The following ADGRL3 variants were observed in gnomAD, a reference collection of about 807,000 sequenced individuals.
ADGRL3 encodes calcium-independent alpha-latrotoxin receptor 3.
ADGRL3 carries 62 observed loss-of-function variants against 153.5 expected under a neutral mutation model. The ratio of observed to expected loss-of-function variants is 0.40; its 90% CI spans 0.33 to 0.50. The LOEUF (loss-of-function observed/expected upper bound fraction) is 0.50. ADGRL3 is among the 20% of genes least tolerant of loss of function. The pLI is 0.47. For missense variants in ADGRL3, 1,641 were observed against 1,859.4 expected, an observed-to-expected ratio of 0.88 and a Z score of 2.16; for synonymous variants, 710 against 672.5, an observed-to-expected ratio of 1.06 and a Z score of -0.86.
At chr4:61,626,544 A>G (rs1270297015) in intron 5 of ADGRL3, among the ~76,000 whole-genome samples, 2 of 152,092 alleles carry the variant, frequency 1.3e-5, no homozygotes, top group African/African-American at 2.4e-5. Context: ...AACATTAATC[A>G]CTAATTAAAA....
chr4:61,429,477 C>A (rs928694369), intron 2 of ADGRL3, among the ~76,000 whole-genome samples: 1 of 152,014 alleles, frequency 6.6e-6, no homozygotes, highest in Non-Finnish European at 1.5e-5. Flanking sequence ...CTTTTTATAT[C>A]CCAAAGAACT....
intron 3 of ADGRL3, among the ~76,000 whole-genome samples, chr4:61,504,474 A>C (rs1021767271): frequency 6.6e-6 from 1 of 152,146 alleles, no homozygotes; most frequent in Non-Finnish European, 1.5e-5. Context: ...GGTGTCTGTC[A>C]TCTCAAATTT....
At position 61,579,561 on chromosome 4, in the gene ADGRL3, G is replaced by T. The variant is rs375515779; in HGVS notation, c.260-7666G>T. ...CCTCAGGTAGACGATTTCATTTGAAGGTCACAACTTTGTGTATGTGCCCTC... is the reference window on the plus strand; with the variant it reads ...CCTCAGGTAGACGATTTCATTTGAATGTCACAACTTTGTGTATGTGCCCTC... On this transcript the variant is annotated intron_variant, in intron 4 of 26. Coordinates refer to ENST00000683033, the MANE Select transcript of ADGRL3 (RefSeq NM_001387552.1). 1.1e-4 allele frequency: 53 copies of T among 503,952 alleles called. 1 individual carries two copies. Among genetic ancestry groups the T allele is most frequent in the African/African-American group, 9.8e-4 (50 of 50,992 alleles). The allele number at this position is 503,952 out of a possible 1,614,324, so 31.2% of individuals were successfully genotyped here. A position where few individuals can be genotyped will look rare whatever the true frequency, so the allele number is the denominator to read the frequency against.
intron 4 of ADGRL3, among the ~76,000 whole-genome samples, chr4:61,558,300 C>T (rs1183262596): frequency 6.6e-6 from 1 of 150,476 alleles, no homozygotes; most frequent in Non-Finnish European, 1.5e-5. Context: ...TTAAATAGTT[C>T]TTCTTATGTG....
intron 1 of ADGRL3, among the ~76,000 whole-genome samples, chr4:61,265,648 G>C (rs1578039826): frequency 6.6e-6 from 1 of 151,872 alleles, no homozygotes; most frequent in Non-Finnish European, 1.5e-5. Context: ...AAATGGACAA[G>C]TTTTGAAATT....
rs1183313414 is a variant in ADGRL3 at position 61,434,339 on chromosome 4, C to T, written c.-174+51150C>T. ...TATTATTGAGGTAAGTTTAAATGAC[C>T]CTTTTGATGAACGCTTTCTGGAATT... On this transcript the variant is annotated intron_variant, in intron 2 of 26. Transcript: ENST00000683033. 2.0e-5 allele frequency among the ~76,000 whole-genome samples: 3 copies of T among 151,996 alleles called. No homozygotes were observed. In the East Asian group the frequency reaches 5.8e-4, roughly 29 times the overall value.
chr4:61,487,679 T>C (rs538554010), intron 2 of ADGRL3, among the ~76,000 whole-genome samples: 1 of 152,188 alleles, frequency 6.6e-6, no homozygotes, highest in African/African-American at 2.4e-5. Flanking sequence ...TAATAATTGT[T>C]AATTTTTAAA....
intron 5 of ADGRL3, among the ~76,000 whole-genome samples, chr4:61,592,187 G>A (rs752676134): frequency 7.9e-5 from 12 of 152,030 alleles, no homozygotes; most frequent in South Asian, 4.2e-4. Context: ...AAGATCTTGC[G>A]TTCTGCTGAA....
intron 1 of ADGRL3, among the ~76,000 whole-genome samples, chr4:61,222,468 T>C (rs1240742276): frequency 6.6e-6 from 1 of 152,124 alleles, no homozygotes; most frequent in Non-Finnish European, 1.5e-5. Context: ...TTCTATAGCA[T>C]TGGGTAAGAC....
intron 9 of ADGRL3, among the ~76,000 whole-genome samples, chr4:61,889,280 G>T (rs1019434066): frequency 1.3e-5 from 2 of 152,216 alleles, no homozygotes; most frequent in East Asian, 1.9e-4. Flanking sequence ...AGGTGAAAAT[G>T]GGGGCAAGAA....
intron 25 of ADGRL3, among the ~76,000 whole-genome samples, chr4:62,049,019 T>C (rs1352979508): frequency 6.6e-6 from 1 of 152,178 alleles, no homozygotes; most frequent in Non-Finnish European, 1.5e-5. Flanking sequence ...CTTTATCTTA[T>C]TGTAAATATT....
intron 9 of ADGRL3, among the ~76,000 whole-genome samples, chr4:61,838,827 A>G (rs2097978220): frequency 6.6e-6 from 1 of 152,138 alleles, no homozygotes; most frequent in Non-Finnish European, 1.5e-5. Context: ...AGTTGGCTTA[A>G]TTTAATAAAA....
intron 25 of ADGRL3, among the ~76,000 whole-genome samples, chr4:62,045,166 T>C (rs985263487): frequency 1.3e-5 from 2 of 151,910 alleles, no homozygotes; most frequent in African/African-American, 2.4e-5. Context: ...TATTGTTTTG[T>C]TTGTGGTTGA....
chr4:61,293,043 C>G (rs2094283075), intron 1 of ADGRL3, among the ~76,000 whole-genome samples: 2 of 152,124 alleles, frequency 1.3e-5, no homozygotes, highest in Admixed American at 6.6e-5. Context: ...CCACCTATAG[C>G]TAGTTATCAA....
At chr4:61,212,708 A>G (rs1423123404) in intron 1 of ADGRL3, among the ~76,000 whole-genome samples, 1 of 152,212 alleles carries the variant, frequency 6.6e-6, no homozygotes, top group African/African-American at 2.4e-5. Flanking sequence ...AAGTAGTAAC[A>G]TATGAAGATA....
Position 61,925,233 on chromosome 4 carries a change from T to C in ADGRL3, c.2113-9607T>C, listed in dbSNP as rs572564660. ...TTTTTGAAACTAAGGAAAACCCTCT[T>C]TCCATCTGTGATACTGCACTCTCTG... On this transcript the variant is annotated intron_variant, in intron 13 of 26. Transcript: ENST00000683033. Among the ~76,000 whole-genome samples the C allele has an allele frequency of 3.9e-5, 6 of 152,296 alleles. 2 individuals carry two copies. The South Asian group carries it at 1.2e-3, about 32-fold the overall frequency.
At chr4:61,978,556 C>T (rs574624380) in intron 17 of ADGRL3, among the ~76,000 whole-genome samples, 8 of 152,200 alleles carry the variant, frequency 5.3e-5, no homozygotes, top group South Asian at 4.1e-4. Context: ...AACTTTGCTC[C>T]GACATCTTGA....
intron 5 of ADGRL3, among the ~76,000 whole-genome samples, chr4:61,654,877 A>G (rs1580118843): frequency 6.6e-6 from 1 of 152,314 alleles, no homozygotes; most frequent in South Asian, 2.1e-4. Context: ...AGCTTGGGCA[A>G]CAGAGCGAGA....
chr4:61,796,385 C>T (rs2097411996), intron 8 of ADGRL3, among the ~76,000 whole-genome samples: 1 of 152,022 alleles, frequency 6.6e-6, no homozygotes, highest in African/African-American at 2.4e-5. Context: ...GTGTCTGTGC[C>T]TCTTTACCAT....
Sources: allele counts gnomAD v4.1 joint callset (sites outside exome capture counted in the v4.1 genomes callset), GRCh38; gene constraint gnomAD v4.1.1; transcripts MANE v1.5; gene names NCBI Gene and HGNC (gene_info 2026-07-23, HGNC 2026-07-21).